ANKRD28: variants seen among roughly 807,000 people sequenced by gnomAD.
ANKRD28 encodes the protein ankyrin repeat domain 28.
ANKRD28 carries 44 observed loss-of-function variants against 126.5 expected under a neutral mutation model. The ratio of observed to expected loss-of-function variants is 0.35; its 90% CI spans 0.27 to 0.45. ANKRD28 has a LOEUF of 0.45. Ranked by LOEUF, ANKRD28 falls within the 20% of genes least tolerant of loss-of-function variation. The probability of loss-of-function intolerance (pLI) is 1.00; values close to 1 mark genes in which losing one functional copy is unlikely to be tolerated. For synonymous variants in ANKRD28, 442 were observed against 468.5 expected, an observed-to-expected ratio of 0.94 and a Z score of 0.73; for missense variants, 1,110 against 1,316.6, an observed-to-expected ratio of 0.84 and a Z score of 2.43.
intron 14 of ANKRD28, among the ~76,000 whole-genome samples, chr3:15,702,349 G>A (rs2070741965): frequency 6.6e-6 from 1 of 152,160 alleles, no homozygotes. Flanking sequence ...CTTCATTAGA[G>A]GGTGGGGGCA....
At chr3:15,740,179 C>T (rs1023098624) in intron 4 of ANKRD28, among the ~76,000 whole-genome samples, 11 of 152,062 alleles carry the variant, frequency 7.2e-5, no homozygotes, top group South Asian at 4.1e-4. Context: ...TTCTAGAATA[C>T]GGAAATTATG....
chr3:15,785,835 G>C (rs1284258726), intron 2 of ANKRD28, among the ~76,000 whole-genome samples: 1 of 152,014 alleles, frequency 6.6e-6, no homozygotes, highest in Non-Finnish European at 1.5e-5. Context: ...TGGATAAACT[G>C]TGGTACATTC....
chr3:15,846,112 G>A lies in ANKRD28; in HGVS notation c.27+13265C>T, dbSNP rs9310489. On this transcript the variant is annotated intron_variant, in intron 1 of 27. Coordinates refer to the ANKRD28 transcript ENST00000399451. This position sits in a 1 kb window ranked among gnomAD's most constrained non-coding sequence, Gnocchi z 5.4. ...CAATAGTCTCCCAAAATCTTAACTC[G>A]TCCCAGCGTTAACTCAGAAATCCAA... Among the ~76,000 whole-genome samples the A allele has an allele frequency of 0.024, 3,688 of 151,850 alleles. 160 individuals carry two copies. The highest frequency in any genetic ancestry group is 0.082 in the African/African-American group (3,383 of 41,372).
In ANKRD28 at chr3:15,816,731, A is replaced by G. The variant is rs1187866159; in HGVS notation, c.28-21425T>C. Among the ~76,000 whole-genome samples the G allele has an allele frequency of 2.6e-5, 4 of 152,210 alleles. No homozygotes were observed. Among genetic ancestry groups the G allele is most frequent in the Non-Finnish European group, 5.9e-5 (4 of 68,044 alleles). ...CATATAAAATTATCAAAGTATGTCA[A>G]TCGTCTCAATTTATATATAGAAGTT... On this transcript the variant is annotated intron_variant, in intron 1 of 27. Transcript: ENST00000399451. The surrounding 1 kb of genome is among the most constrained non-coding windows in gnomAD (Gnocchi z 5.0).
chr3:15,739,503 G>A (rs556350776), intron 4 of ANKRD28, among the ~76,000 whole-genome samples: 13 of 152,184 alleles, frequency 8.5e-5, no homozygotes, highest in African/African-American at 3.1e-4. Flanking sequence ...GGGTTCTCAT[G>A]TCAATTCTAT....
At chr3:15,693,329 G>GAC (rs1013866939) in intron 17 of ANKRD28, among the ~76,000 whole-genome samples, 1 of 145,120 alleles carries the variant, frequency 6.9e-6, no homozygotes, top group African/African-American at 2.5e-5. Flanking sequence ...TGGGGGGGCA[G>GAC]AGAGAGAGAG....
intron 1 of ANKRD28, among the ~76,000 whole-genome samples, chr3:15,852,811 C>A (rs190525691): frequency 8.4e-6 from 1 of 119,464 alleles, no homozygotes; most frequent in Non-Finnish European, 1.6e-5. Context: ...CCAGCCTGGG[C>A]GACAGTGCGA....
At chr3:15,699,135 TGGG>T (rs2070153622) in intron 14 of ANKRD28, among the ~76,000 whole-genome samples, 1 of 152,108 alleles carries the variant, frequency 6.6e-6, no homozygotes, top group Admixed American at 6.5e-5. Flanking sequence ...AAACTAGCAA[TGGG>T]GAAAGGATTT....
intron 2 of ANKRD28, among the ~76,000 whole-genome samples, chr3:15,770,965 T>C (rs1295049375): frequency 1.3e-5 from 2 of 152,244 alleles, no homozygotes; most frequent in Non-Finnish European, 2.9e-5. Context: ...TCTTATTTAC[T>C]GTGTAAAATT....
chr3:15,798,665 G>A (rs1001621119), upstream of ANKRD28, among the ~76,000 whole-genome samples: 5 of 151,730 alleles, frequency 3.3e-5, no homozygotes, highest in African/African-American at 4.8e-5. Flanking sequence ...AATGTCCTTC[G>A]TCCTGAATTA....
At chr3:15,786,457 T>C (rs1003316050) in intron 2 of ANKRD28, among the ~76,000 whole-genome samples, 2 of 151,998 alleles carry the variant, frequency 1.3e-5, no homozygotes, top group African/African-American at 4.8e-5. Flanking sequence ...AGGTTAGTAA[T>C]TACCAGGGAG....
At chr3:15,694,050 G>C (rs1038167518) in intron 17 of ANKRD28, among the ~76,000 whole-genome samples, 5 of 151,980 alleles carry the variant, frequency 3.3e-5, no homozygotes, top group Non-Finnish European at 5.9e-5. Context: ...GATTCTCAAA[G>C]TACCCCCTTC....
chr3:15,840,655 T>C (rs899045422), intron 1 of ANKRD28, among the ~76,000 whole-genome samples: 5 of 152,120 alleles, frequency 3.3e-5, no homozygotes, highest in African/African-American at 1.2e-4. Context: ...AACTGAACTA[T>C]CCTAACCAAA....
intron 1 of ANKRD28, among the ~76,000 whole-genome samples, chr3:15,832,102 G>A (rs1054733338): frequency 1.3e-5 from 2 of 152,112 alleles, no homozygotes; most frequent in African/African-American, 2.4e-5. Context: ...AAAAGACATC[G>A]TATTTGCCCT....
intron 5 of ANKRD28, 39 bp downstream of exon 5, chr3:15,736,991 CAGG>C (rs775960306): frequency 1.3e-6 from 2 of 1,590,042 alleles, no homozygotes; most frequent in South Asian, 1.1e-5. Context: ...GGGGGGTGGA[CAGG>C]AGGAGAGAAA....
At chr3:15,733,838 G>A in intron 6 of ANKRD28, among the ~76,000 whole-genome samples, 1 of 151,974 alleles carries the variant, frequency 6.6e-6, no homozygotes, top group East Asian at 1.9e-4. Context: ...TCTTAAAAAA[G>A]AAAAAGGATT....
intron 14 of ANKRD28, among the ~76,000 whole-genome samples, chr3:15,702,918 T>C (rs1360350340): frequency 1.3e-5 from 2 of 151,746 alleles, no homozygotes; most frequent in Non-Finnish European, 2.9e-5. Flanking sequence ...AAACAATTCA[T>C]ATATACTAAA....
chr3:15,711,243 G>C lies in ANKRD28; in HGVS notation c.1305C>G (p.Gly435=). The part of the protein sequence containing the change: ...GFDIDTPDDF[G]RTCLHAAAAG... ...CTGCAGCTGCATGTAGACAAGTCCT[G>C]CCAAAATCATCTGGGGTATCTATAT... Residue 435 remains glycine, a synonymous_variant, in exon 12 of 28, where the codon GGC becomes GGG. Coordinates refer to ENST00000683139, the MANE Select transcript of ANKRD28 (RefSeq NM_001349278.2). The C allele has an allele frequency of 6.2e-7, 1 of 1,612,324 alleles. No individual in the cohort carries two copies. The highest frequency in any genetic ancestry group is 8.5e-7 in the Non-Finnish European group (1 of 1,178,822).
At chr3:15,675,064 G>A (rs2066793072) in intron 27 of ANKRD28, among the ~76,000 whole-genome samples, 1 of 152,168 alleles carries the variant, frequency 6.6e-6, no homozygotes, top group African/African-American at 2.4e-5. Context: ...GAGGTCAGGG[G>A]TTTGAGACCA....
Sources: allele counts gnomAD v4.1 joint callset (sites outside exome capture counted in the v4.1 genomes callset), GRCh38; gene constraint gnomAD v4.1.1; non-coding constraint Gnocchi (gnomAD v3.1); transcripts MANE v1.5; gene names NCBI Gene and HGNC (gene_info 2026-07-23, HGNC 2026-07-21).